The following CD276 variants were observed in gnomAD, a reference collection of about 807,000 sequenced individuals.
The protein encoded by CD276 is CD276 antigen.
A neutral mutation model predicts 50.0 loss-of-function variants in CD276; 34 were observed. The observed-to-expected ratio is 0.68, with a 90% CI of 0.52 to 0.91. The LOEUF is 0.91. Among genes scored for constraint, CD276 ranks in the 40% least tolerant of loss-of-function variants. The pLI, the probability that CD276 is intolerant of heterozygous loss-of-function variation, is 0.00. For synonymous variants in CD276, 275 were observed against 313.0 expected, an observed-to-expected ratio of 0.88 and a Z score of 1.28; for missense variants, 634 against 717.5, an observed-to-expected ratio of 0.88 and a Z score of 1.33.
At position 73,709,708 on chromosome 15, in the gene CD276, C is replaced by T. The variant is rs1212828798; in HGVS notation, c.1546+19C>T. 6.2e-7 allele frequency: 1 copy of T among 1,608,414 alleles called. No individual in the cohort carries two copies. The highest frequency in any genetic ancestry group is 1.7e-5 in the Admixed American group (1 of 58,424). Reference sequence around the variant, plus strand: ...AAGACAGGTGAGTCTGAACTTGGAGCTGGCCCTCTTGGCTGGGAGAGGGAC... The same window carrying T: ...AAGACAGGTGAGTCTGAACTTGGAGTTGGCCCTCTTGGCTGGGAGAGGGAC... On this transcript the variant is annotated intron_variant, in intron 8 of 9. Coordinates refer to ENST00000318443, the MANE Select transcript of CD276 (RefSeq NM_001024736.2).
chr15:73,706,869 G>A (rs1003553441), intron 6 of CD276, among the ~76,000 whole-genome samples: 1 of 152,206 alleles, frequency 6.6e-6, no homozygotes, highest in African/African-American at 2.4e-5. Flanking sequence ...ACCAGTTAAG[G>A]GGGAACATAG....
intron 2 of CD276, among the ~76,000 whole-genome samples, chr15:73,699,924 A>G (rs1900313006): frequency 6.6e-6 from 1 of 152,212 alleles, no homozygotes; most frequent in South Asian, 2.1e-4. Context: ...CATGAGTGCT[A>G]AATGAGATCG....
chr15:73,692,787 C>T (rs1427616499), intron 1 of CD276, among the ~76,000 whole-genome samples: 1 of 152,156 alleles, frequency 6.6e-6, no homozygotes, highest in Non-Finnish European at 1.5e-5. Flanking sequence ...AATAAATGAA[C>T]AAATGCCAGA....
intron 8 of CD276, among the ~76,000 whole-genome samples, chr15:73,710,652 C>T (rs992801336): frequency 6.6e-6 from 1 of 152,208 alleles, no homozygotes; most frequent in Non-Finnish European, 1.5e-5. Context: ...GCGTGGCAGG[C>T]GTAGAGACAG....
Position 73,699,585 on chromosome 15 carries a change from G to C in CD276, c.-54-1G>C, listed in dbSNP as rs779480572. The C allele has an allele frequency of 4.8e-5, 77 of 1,599,574 alleles. No individual in the cohort carries two copies. In the African/African-American group the frequency reaches 9.5e-4, roughly 20 times the overall value. On this transcript the variant is annotated splice_acceptor_variant, in intron 1 of 9. Coordinates refer to ENST00000318443, the MANE Select transcript of CD276 (RefSeq NM_001024736.2). LOFTEE classifies it low-confidence loss of function (5UTR_SPLICE). ...AAGGCCTTGCGTCCTCTTTCTCCCA[G>C]GCAGGGGCAGCCTTCCACCACGGGG...
At chr15:73,693,948 T>G (rs558498404) in intron 1 of CD276, among the ~76,000 whole-genome samples, 2 of 152,288 alleles carry the variant, frequency 1.3e-5, no homozygotes, top group East Asian at 3.9e-4. Context: ...ACTTGATCAT[T>G]AATTTCTGCA....
rs191161922 is a variant in CD276 at position 73,693,810 on chromosome 15, G to A, written c.-54-5776G>A. Among the ~76,000 whole-genome samples the A allele has an allele frequency of 1.1e-4, 16 of 151,052 alleles. 1 individual carries two copies. Among genetic ancestry groups the A allele is most frequent in the Admixed American group, 7.9e-4 (12 of 15,124 alleles). On this transcript the variant is annotated intron_variant, in intron 1 of 9. Coordinates refer to ENST00000318443, the MANE Select transcript of CD276 (RefSeq NM_001024736.2). ...TAAGTATAAGGTAGAGCTTCTCACCGATGAACGCTGTCCAAAAGCAAGTGG... is the reference window on the plus strand; with the variant it reads ...TAAGTATAAGGTAGAGCTTCTCACCAATGAACGCTGTCCAAAAGCAAGTGG...
At chr15:73,691,547 G>A (rs528638153) in intron 1 of CD276, among the ~76,000 whole-genome samples, 2 of 152,308 alleles carry the variant, frequency 1.3e-5, no homozygotes, top group Non-Finnish European at 2.9e-5. Flanking sequence ...CTGAGTGGGG[G>A]CAGGGCAGGT....
chr15:73,686,137 G>C (rs1314990245), intron 1 of CD276, among the ~76,000 whole-genome samples: 1 of 152,164 alleles, frequency 6.6e-6, no homozygotes, highest in Non-Finnish European at 1.5e-5. Flanking sequence ...TGGCGGGAGA[G>C]AGCTTCGTTC....
intron 1 of CD276, among the ~76,000 whole-genome samples, chr15:73,699,326 A>G (rs966999137): frequency 6.6e-6 from 1 of 152,034 alleles, no homozygotes; most frequent in Non-Finnish European, 1.5e-5. Context: ...CCTCTTCCTT[A>G]TATTTGGATA....
chr15:73,684,151 G>C (rs370997437), upstream of CD276: 1 of 151,656 alleles, frequency 6.6e-6, no homozygotes. Context: ...GCCCTGCTCC[G>C]GGAGCCGAGG....
intron 1 of CD276, among the ~76,000 whole-genome samples, chr15:73,693,257 TC>T (rs1389289341): frequency 6.6e-6 from 1 of 152,154 alleles, no homozygotes; most frequent in Admixed American, 6.5e-5. Context: ...CTTTTTTTAA[TC>T]CACCAACAAA....
intron 4 of CD276, 33 bp downstream of exon 4, chr15:73,703,119 G>T: frequency 6.5e-7 from 1 of 1,540,326 alleles, no homozygotes; most frequent in South Asian, 1.2e-5. Flanking sequence ...TTGGGGGAGG[G>T]GGGTTCTGCT....
At position 73,702,921 on chromosome 15, in the gene CD276, G is replaced by A. The variant is rs555581349; in HGVS notation, c.568G>A (p.Val190Met). The change falls in exon 4 of 10, where the codon GTG becomes ATG. Residue 190 changes from valine (V) to methionine (M), a missense_variant. Coordinates refer to ENST00000318443, the MANE Select transcript of CD276 (RefSeq NM_001024736.2). ...DGQGVPLTGN[V>M]TTSQMANEQG... ...GCAGGGTGTGCCCCTGACTGGCAAC[G>A]TGACCACGTCGCAGATGGCCAACGA... is the stretch of plus-strand genomic sequence containing the variant. 84 of 1,614,126 alleles carry A rather than the reference G, an allele frequency of 5.2e-5. No individual in the cohort carries two copies. Among genetic ancestry groups the A allele is most frequent in the Middle Eastern group, 5.0e-4 (3 of 6,004 alleles).
At chr15:73,708,521 T>C in intron 7 of CD276, 48 bp downstream of exon 7, 1 of 1,570,932 alleles carries the variant, frequency 6.4e-7, no homozygotes, top group South Asian at 1.2e-5. Flanking sequence ...CTTATGTGTC[T>C]TGGGGTATGT....
chr15:73,685,131 G>T (rs1302796259), intron 1 of CD276: 2 of 152,130 alleles, frequency 1.3e-5, no homozygotes, highest in African/African-American at 4.8e-5. Flanking sequence ...GTTGGGGGTG[G>T]GGAGGGAATT....
intron 1 of CD276, among the ~76,000 whole-genome samples, chr15:73,696,620 C>T (rs1900189098): frequency 6.6e-6 from 1 of 152,196 alleles, no homozygotes; most frequent in Non-Finnish European, 1.5e-5. Context: ...GGAAGCGCAG[C>T]TCGGCCCTGG....
intron 1 of CD276, among the ~76,000 whole-genome samples, chr15:73,686,559 T>C (rs1014248710): frequency 2.0e-5 from 3 of 152,210 alleles, no homozygotes; most frequent in Admixed American, 6.5e-5. Flanking sequence ...CTTCTGAAAC[T>C]TCCTGTGAGA....
At chr15:73,710,808 TA>T (rs1900866935) in intron 8 of CD276, among the ~76,000 whole-genome samples, 1 of 152,188 alleles carries the variant, frequency 6.6e-6, no homozygotes, top group African/African-American at 2.4e-5. Flanking sequence ...CAGCCTCCTT[TA>T]GCTTCTCACA....
Sources: gnomAD v4.1 joint callset for allele counts (sites outside exome capture counted in the v4.1 genomes callset) on GRCh38, gnomAD v4.1.1 for gene constraint, MANE v1.5 for transcripts, NCBI Gene and HGNC (gene_info 2026-07-23, HGNC 2026-07-21) for gene names.